CRYBA4: variants seen among roughly 807,000 people sequenced by gnomAD.
The protein encoded by CRYBA4 is beta-crystallin A4.
CRYBA4 carries 30 observed loss-of-function variants against 31.7 expected under a neutral mutation model. That is an observed-to-expected ratio of 0.95 (90% CI 0.71 to 1.28). The LOEUF (loss-of-function observed/expected upper bound fraction) is 1.28, where lower values mean the gene tolerates loss of function less well. Among genes scored for constraint, CRYBA4 ranks in the 50% most tolerant of loss-of-function variants. The probability of loss-of-function intolerance (pLI) is 0.00; values close to 1 mark genes in which losing one functional copy is unlikely to be tolerated. For synonymous variants in CRYBA4, 102 were observed against 102.3 expected (o/e 1.00, Z 0.02); for missense variants, 225 against 260.7 (o/e 0.86, Z 0.94).
upstream of CRYBA4, among the ~76,000 whole-genome samples, chr22:26,620,556 CTTTTTTTTT>C (rs60318967): frequency 2.3e-5 from 2 of 88,492 alleles, no homozygotes; most frequent in African/African-American, 4.4e-5. Context: ...TCATGCATTC[CTTTTTTTTT>C]TTTTTTTTTT....
intron 4 of CRYBA4, among the ~76,000 whole-genome samples, chr22:26,627,359 CCTTTCTTTCTTT>C (rs1245733367): frequency 0.016 from 673 of 41,720 alleles, 12 homozygotes; most frequent in Middle Eastern, 0.033. Context: ...CTCCCTCCCT[CCTTTCTTTCTTT>C]CTTTCTTTCT....
At chr22:26,629,499 T>C (rs1289955489) in intron 5 of CRYBA4, among the ~76,000 whole-genome samples, 2 of 151,814 alleles carry the variant, frequency 1.3e-5, no homozygotes, top group African/African-American at 4.8e-5. Flanking sequence ...CCCAGCCCTT[T>C]GGGAGGCTGA....
the CRYBA4 span, among the ~76,000 whole-genome samples, chr22:26,592,667 C>T: frequency 6.6e-6 from 1 of 152,064 alleles, no homozygotes. Context: ...GGGAAGGAGT[C>T]GGGGCTTTTC....
the CRYBA4 span, among the ~76,000 whole-genome samples, chr22:26,590,954 T>C: frequency 1.1e-4 from 16 of 152,238 alleles, no homozygotes; most frequent in Non-Finnish European, 2.1e-4. Context: ...ATGCATCGTA[T>C]GCTTGTGCAT....
chr22:26,625,778 A>G (rs1045435146), intron 4 of CRYBA4, among the ~76,000 whole-genome samples, 156 bp downstream of exon 4: 1 of 152,152 alleles, frequency 6.6e-6, no homozygotes, highest in Non-Finnish European at 1.5e-5. Context: ...CGGTTTCTTC[A>G]TCTTGAAATG....
At chr22:26,595,118 A>T in the CRYBA4 span, among the ~76,000 whole-genome samples, 2 of 152,164 alleles carry the variant, frequency 1.3e-5, no homozygotes, top group Non-Finnish European at 2.9e-5. Flanking sequence ...TTTTGCTTAT[A>T]ATTTTATATG....
the CRYBA4 span, among the ~76,000 whole-genome samples, chr22:26,591,613 T>C: frequency 6.6e-6 from 1 of 151,826 alleles, no homozygotes; most frequent in East Asian, 1.9e-4. Context: ...TGGTGGTGCA[T>C]GCCTGTAGTC....
At chr22:26,599,576 G>C in the CRYBA4 span, 1 of 1,614,242 alleles carries the variant, frequency 6.2e-7, no homozygotes, top group Non-Finnish European at 8.5e-7. Context: ...GACTGCATCT[G>C]TGGCTGGAAG....
chr22:26,624,737 G>C (rs1192170116), intron 3 of CRYBA4, among the ~76,000 whole-genome samples: 1 of 152,236 alleles, frequency 6.6e-6, no homozygotes, highest in Non-Finnish European at 1.5e-5. Context: ...GTAAAGGCAA[G>C]GTGCAGCCTC....
chr22:26,590,417 G>A, the CRYBA4 span, among the ~76,000 whole-genome samples: 7 of 152,214 alleles, frequency 4.6e-5, no homozygotes, highest in Non-Finnish European at 7.3e-5. Context: ...GAAGTGGAAT[G>A]ATCACCAAAA....
At chr22:26,603,125 C>CAAAAA in the CRYBA4 span, among the ~76,000 whole-genome samples, 24 of 69,222 alleles carry the variant, frequency 3.5e-4, no homozygotes, top group Non-Finnish European at 5.9e-4. Context: ...GACTCCGTCT[C>CAAAAA]AAAAAAAAAA....
At position 26,622,355 on chromosome 22, in the gene CRYBA4, A is replaced by T. The variant is rs376706295; in HGVS notation, c.-12-230A>T. Among the ~76,000 whole-genome samples, 32 of 152,166 alleles carry T rather than the reference A, an allele frequency of 2.1e-4. No individual in the cohort carries two copies. In the East Asian group the frequency reaches 5.4e-3, roughly 26 times the overall value. On this transcript the variant is annotated intron_variant, in intron 1 of 5. Transcript: ENST00000354760. ...TAAGAGAATACAGAGTGGGGCTCAGAGTCAATGAGACCCAGCAAGGGTGAG... is the reference window on the plus strand; with the variant it reads ...TAAGAGAATACAGAGTGGGGCTCAGTGTCAATGAGACCCAGCAAGGGTGAG...
chr22:26,627,359 C>CCCTTCTTTCTTTCTTT (rs1404229613), intron 4 of CRYBA4, among the ~76,000 whole-genome samples: 6 of 41,818 alleles, frequency 1.4e-4, no homozygotes, highest in Admixed American at 2.9e-4. Flanking sequence ...CTCCCTCCCT[C>CCCTTCTTTCTTTCTTT]CTTTCTTTCT....
the CRYBA4 span, chr22:26,599,506 G>C: frequency 2.5e-6 from 4 of 1,612,792 alleles, no homozygotes; most frequent in Non-Finnish European, 3.4e-6. Context: ...GGGGGGCTCT[G>C]TGGCCAGGAC....
upstream of CRYBA4, among the ~76,000 whole-genome samples, chr22:26,618,474 A>G (rs972341652): frequency 5.5e-5 from 8 of 145,672 alleles, no homozygotes; most frequent in African/African-American, 2.0e-4. Flanking sequence ...GATGCCATAT[A>G]GAAAAGAAGG....
the CRYBA4 span, among the ~76,000 whole-genome samples, chr22:26,607,453 A>AG: frequency 6.6e-6 from 1 of 150,954 alleles, no homozygotes. Flanking sequence ...GCACTTTAGG[A>AG]GGCCCAGGCG....
chr22:26,617,299 C>G (rs78375971), upstream of CRYBA4, among the ~76,000 whole-genome samples: 288 of 152,274 alleles, frequency 1.9e-3, 3 homozygotes, highest in East Asian at 0.046. Context: ...AAATAATGCT[C>G]TCTTTAACTT....
At chr22:26,615,158 T>C in the CRYBA4 span, among the ~76,000 whole-genome samples, 1 of 152,330 alleles carries the variant, frequency 6.6e-6, no homozygotes, top group African/African-American at 2.4e-5. Context: ...GAGCGTGTCA[T>C]GAACTAGGGG....
chr22:26,595,935 G>C, the CRYBA4 span, among the ~76,000 whole-genome samples: 1 of 150,008 alleles, frequency 6.7e-6, no homozygotes, highest in Non-Finnish European at 1.5e-5. Flanking sequence ...ACTGCACCCA[G>C]CTTATTTTTT....
Sources: gnomAD v4.1 joint callset for allele counts (sites outside exome capture counted in the v4.1 genomes callset) on GRCh38, gnomAD v4.1.1 for gene constraint, MANE v1.5 for transcripts, NCBI Gene and HGNC (gene_info 2026-07-23, HGNC 2026-07-21) for gene names.